PRIMPOL: variants seen among roughly 807,000 people sequenced by gnomAD.
The protein encoded by PRIMPOL is primase and DNA directed polymerase, also known as DNA-directed primase/polymerase protein.
In PRIMPOL, 54 loss-of-function variants were observed where a neutral mutation model predicts 63.6. That is an observed-to-expected ratio of 0.85 (90% CI 0.68 to 1.07). The LOEUF (loss-of-function observed/expected upper bound fraction) is 1.07, where lower values mean the gene tolerates loss of function less well. Ranked by LOEUF, PRIMPOL falls within the 50% of genes least tolerant of loss-of-function variation. The pLI, the probability that PRIMPOL is intolerant of heterozygous loss-of-function variation, is 0.00. For synonymous variants in PRIMPOL, 197 were observed against 220.2 expected, an observed-to-expected ratio of 0.89 and a Z score of 0.93; for missense variants, 610 against 648.3, an observed-to-expected ratio of 0.94 and a Z score of 0.64.
intron 8 of PRIMPOL, among the ~76,000 whole-genome samples, chr4:184,680,241 G>A (rs113909259): frequency 0.1 from 15,442 of 151,928 alleles, 932 homozygotes; most frequent in Middle Eastern, 0.17. Context: ...AGGCTGGAGT[G>A]CAGTGGTGCG....
chr4:184,691,543 A>C lies in PRIMPOL; in HGVS notation c.1340A>C (p.His447Pro), dbSNP rs1164397851. Residue 447 changes from histidine (H) to proline (P), a missense_variant, in exon 12 of 14, where the codon CAT becomes CCT. Physicochemically the swap from His to Pro is moderately conservative, Grantham distance 77 (BLOSUM62 -2). Transcript: ENST00000314970. Reference sequence around the variant, plus strand: ...AATGAAGTTTGGTATCAAAAATGTCATGACCCTGTATGTAAAGCAGAAAAC... The same window carrying C: ...AATGAAGTTTGGTATCAAAAATGTCCTGACCCTGTATGTAAAGCAGAAAAC... ...LKNEVWYQKC[H>P]DPVCKAENFK... 2 of 1,608,076 alleles carry C rather than the reference A, an allele frequency of 1.2e-6. No homozygotes were observed. The highest frequency in any genetic ancestry group is 1.7e-6 in the Non-Finnish European group (2 of 1,176,784).
intron 11 of PRIMPOL, among the ~76,000 whole-genome samples, chr4:184,687,445 C>G (rs1757282934): frequency 6.6e-6 from 1 of 152,310 alleles, no homozygotes; most frequent in Admixed American, 6.5e-5. Context: ...CCTTAACAAC[C>G]AGAAGCTGAT....
Position 184,682,315 on chromosome 4 carries a change from T to G in PRIMPOL, c.1075T>G (p.Phe359Val). The G allele has an allele frequency of 6.3e-7, 1 of 1,593,956 alleles. No individual in the cohort carries two copies. Among genetic ancestry groups the G allele is most frequent in the Non-Finnish European group, 8.6e-7 (1 of 1,162,516 alleles). ...SQNKQKGVGY[F>V]NSIGTSVETI... ...GAATAAACAAAAAGGAGTTGGATATTTTAACAGTATCGGCACTTCAGGTAA... is the reference window on the plus strand; with the variant it reads ...GAATAAACAAAAAGGAGTTGGATATGTTAACAGTATCGGCACTTCAGGTAA... Residue 359 changes from phenylalanine to valine, a missense_variant, in exon 9 of 14, where the codon TTT becomes GTT. Physicochemically the swap from Phe to Val is conservative, Grantham distance 50. Around this residue, in one of 3 missense-constraint regions of PRIMPOL, gnomAD observed 444 missense variants for 456.4 expected, o/e 0.97. Coordinates refer to ENST00000314970, the MANE Select transcript of PRIMPOL (RefSeq NM_152683.4).
chr4:184,673,896 A>C (rs1248532289), intron 7 of PRIMPOL, among the ~76,000 whole-genome samples: 2 of 152,222 alleles, frequency 1.3e-5, no homozygotes, highest in Non-Finnish European at 2.9e-5. Context: ...GCAATCAAGC[A>C]CCAGAACTTG....
chr4:184,694,369 C>T (rs991188597), intron 13 of PRIMPOL, 153 bp from the exon 14 acceptor site: 15 of 1,409,446 alleles, frequency 1.1e-5, no homozygotes, highest in African/African-American at 4.3e-5. Flanking sequence ...CTCATTCCCA[C>T]GGTGAGATAT....
chr4:184,681,250 A>G (rs1041919635), intron 8 of PRIMPOL, among the ~76,000 whole-genome samples: 1 of 151,600 alleles, frequency 6.6e-6, no homozygotes, highest in African/African-American at 2.4e-5. Flanking sequence ...TTCTTTCTTC[A>G]TTTCTTCCTA....
chr4:184,651,011 C>T (rs35741846), intron 1 of PRIMPOL, among the ~76,000 whole-genome samples: 1 of 152,030 alleles, frequency 6.6e-6, no homozygotes, highest in Non-Finnish European at 1.5e-5. Flanking sequence ...AGGTTAAGTC[C>T]CGGCGCGGTG....
At chr4:184,665,860 A>T in intron 5 of PRIMPOL, 57 bp from the exon 6 acceptor site, 1 of 1,196,510 alleles carries the variant, frequency 8.4e-7, no homozygotes, top group Non-Finnish European at 1.2e-6. Context: ...CTTATTGCTT[A>T]TAGAAAAATT....
chr4:184,664,523 T>G (rs1749275889), intron 5 of PRIMPOL, among the ~76,000 whole-genome samples: 1 of 152,254 alleles, frequency 6.6e-6, no homozygotes, highest in Non-Finnish European at 1.5e-5. Context: ...CCCTAAGATG[T>G]TGCCTTCTTC....
intron 8 of PRIMPOL, among the ~76,000 whole-genome samples, chr4:184,678,894 T>C (rs1486589953): frequency 6.6e-6 from 1 of 152,218 alleles, no homozygotes; most frequent in Non-Finnish European, 1.5e-5. Context: ...GTAAAACGTA[T>C]ATTTGAACAC....
chr4:184,661,577 G>A (rs1157385471), intron 4 of PRIMPOL, among the ~76,000 whole-genome samples, 197 bp from the exon 5 acceptor site: 2 of 151,996 alleles, frequency 1.3e-5, no homozygotes, highest in African/African-American at 2.4e-5. Flanking sequence ...GTGGTGGCGT[G>A]TGCCTGTAGT....
rs1759560580 is a variant in PRIMPOL, at chr4:184,693,528, CATCTT to C, written c.1426-993_1426-989del. On this transcript the variant is annotated intron_variant, in intron 13 of 13. Transcript: ENST00000314970. ...AGTTAACATTTTGCCTCTCCTGCTT[CATCTT>C]GTTTTTTAAAACAAATATTTTAAAT... Among the ~76,000 whole-genome samples the C allele has an allele frequency of 2.6e-5, 4 of 152,100 alleles. No homozygotes were observed. In the South Asian group the frequency reaches 6.2e-4, roughly 24 times the overall value.
At chr4:184,657,365 C>T in intron 3 of PRIMPOL, 45 bp downstream of exon 3, 1 of 1,364,874 alleles carries the variant, frequency 7.3e-7, no homozygotes, top group East Asian at 2.5e-5. Flanking sequence ...CTTCCACTTC[C>T]TCTTCTTTCT....
chr4:184,684,146 G>T (rs879756052), intron 9 of PRIMPOL, among the ~76,000 whole-genome samples: 48 of 152,014 alleles, frequency 3.2e-4, no homozygotes, highest in Non-Finnish European at 4.4e-4. Context: ...AAGCAAACTA[G>T]ATTCTTGTCC....
At chr4:184,667,596 C>T (rs1009959427) in intron 6 of PRIMPOL, among the ~76,000 whole-genome samples, 1 of 152,178 alleles carries the variant, frequency 6.6e-6, no homozygotes, top group Non-Finnish European at 1.5e-5. Flanking sequence ...AGGCGTGAGC[C>T]ACCGTGCCTG....
intron 4 of PRIMPOL, 129 bp from the exon 5 acceptor site, chr4:184,661,645 G>T (rs1748340970): frequency 2.0e-6 from 1 of 495,718 alleles, no homozygotes; most frequent in Non-Finnish European, 3.5e-6. Context: ...GGAGGAGGTT[G>T]CAGTGAACCG....
At chr4:184,672,655 G>A (rs752479965) in intron 7 of PRIMPOL, among the ~76,000 whole-genome samples, 195 bp downstream of exon 7, 3 of 152,132 alleles carry the variant, frequency 2.0e-5, no homozygotes, top group Non-Finnish European at 4.4e-5. Context: ...GGTCCAGGCC[G>A]GCCTGAGCTC....
At chr4:184,683,623 A>G (rs1347395764) in intron 9 of PRIMPOL, among the ~76,000 whole-genome samples, 1 of 152,180 alleles carries the variant, frequency 6.6e-6, no homozygotes, top group Non-Finnish European at 1.5e-5. Context: ...TTTCCTATAT[A>G]TAGAGAGAGA....
chr4:184,659,214 A>G, intron 3 of PRIMPOL, 126 bp from the exon 4 acceptor site: 1 of 686,204 alleles, frequency 1.5e-6, no homozygotes, highest in Non-Finnish European at 2.5e-6. Flanking sequence ...TTTTAATAAT[A>G]CAAATGTTCA....
Sources: gnomAD v4.1 joint callset for allele counts (sites outside exome capture counted in the v4.1 genomes callset) on GRCh38, gnomAD v4.1.1 for gene constraint, gnomAD v4.1.1 regional missense constraint, MANE v1.5 for transcripts, NCBI Gene and HGNC (gene_info 2026-07-23, HGNC 2026-07-21) for gene names.